Variants in NEBL observed in about 807,000 individuals in gnomAD.
The protein encoded by NEBL is LIM and SH3 protein 2.
In NEBL, 122 loss-of-function variants were observed where a neutral mutation model predicts 140.2. The observed-to-expected ratio is 0.87, with a 90% CI of 0.75 to 1.01. NEBL has a LOEUF of 1.01. NEBL is among the 50% of genes least tolerant of loss of function. The pLI, the probability that NEBL is intolerant of heterozygous loss-of-function variation, is 0.00. For synonymous variants in NEBL, 436 were observed against 398.9 expected (o/e 1.09, Z -1.11); for missense variants, 1,365 against 1,231.3 (o/e 1.11, Z -1.62).
intron 3 of NEBL, among the ~76,000 whole-genome samples, chr10:21,009,763 C>A (rs1434942270): frequency 6.6e-6 from 1 of 152,120 alleles, no homozygotes; most frequent in Non-Finnish European, 1.5e-5. Flanking sequence ...TGCAAGGCCC[C>A]CAGAGAATTC....
intron 3 of NEBL, among the ~76,000 whole-genome samples, chr10:21,239,597 C>T (rs1312734084): frequency 6.6e-6 from 1 of 152,128 alleles, no homozygotes; most frequent in Non-Finnish European, 1.5e-5. Context: ...TACTCTATTC[C>T]AGCCTCTGAA....
chr10:21,168,666 T>A (rs1449211443), intron 2 of NEBL, among the ~76,000 whole-genome samples: 1 of 152,110 alleles, frequency 6.6e-6, no homozygotes, highest in African/African-American at 2.4e-5. Flanking sequence ...TTGAAGAAAA[T>A]GTCCTTAGTC....
chr10:21,137,614 T>C (rs994869192), intron 2 of NEBL, among the ~76,000 whole-genome samples: 1 of 152,080 alleles, frequency 6.6e-6, no homozygotes, highest in Non-Finnish European at 1.5e-5. Context: ...CCACTTCTGA[T>C]AGGTGGCACA....
At chr10:21,279,757 A>T (rs59473186) in intron 1 of NEBL, among the ~76,000 whole-genome samples, 61 of 21,180 alleles carry the variant, frequency 2.9e-3, no homozygotes, top group Non-Finnish European at 4.9e-3. Flanking sequence ...GAATCCATAT[A>T]AAAAAAAAAA....
chr10:21,225,404 C>T (rs961806684), intron 3 of NEBL, among the ~76,000 whole-genome samples: 3 of 152,168 alleles, frequency 2.0e-5, no homozygotes, highest in Non-Finnish European at 2.9e-5. Flanking sequence ...CCTATGTTCA[C>T]TCAAGGACCT....
intron 1 of NEBL, among the ~76,000 whole-genome samples, chr10:21,287,413 A>G (rs1384963572): frequency 6.6e-6 from 1 of 152,054 alleles, no homozygotes; most frequent in Non-Finnish European, 1.5e-5. Context: ...GCATGTTCCT[A>G]TAGTCCTAGC....
At chr10:21,175,669 A>G (rs1300901285), upstream of NEBL, among the ~76,000 whole-genome samples, 1 of 152,214 alleles carries the variant, frequency 6.6e-6, no homozygotes, top group Non-Finnish European at 1.5e-5. Flanking sequence ...CCCCTGAGCC[A>G]CTCACTCACT....
intron 2 of NEBL, among the ~76,000 whole-genome samples, chr10:21,053,333 C>G (rs987423512): frequency 1.3e-5 from 2 of 152,116 alleles, no homozygotes; most frequent in Non-Finnish European, 2.9e-5. Context: ...ACTTCCCACT[C>G]TTTTAAAATC....
chr10:21,257,588 T>TA (rs1355076119), intron 1 of NEBL, among the ~76,000 whole-genome samples: 4 of 152,114 alleles, frequency 2.6e-5, no homozygotes, highest in Middle Eastern at 3.2e-3. Context: ...CTGGTTGATG[T>TA]AAAAAACCAC....
At chr10:21,052,100 A>C (rs868036193) in intron 2 of NEBL, among the ~76,000 whole-genome samples, 39 of 152,176 alleles carry the variant, frequency 2.6e-4, no homozygotes, top group African/African-American at 5.5e-4. Flanking sequence ...TAAAAAAAAA[A>C]CTTTACATAT....
chr10:21,066,211 C>T (rs1835532770), intron 2 of NEBL, among the ~76,000 whole-genome samples: 1 of 152,122 alleles, frequency 6.6e-6, no homozygotes, highest in Non-Finnish European at 1.5e-5. Flanking sequence ...AGAATATATG[C>T]TTCTTAAAGC....
At chr10:20,888,652 T>C (rs1375849498) in intron 3 of NEBL, among the ~76,000 whole-genome samples, 1 of 152,176 alleles carries the variant, frequency 6.6e-6, no homozygotes, top group Non-Finnish European at 1.5e-5. Flanking sequence ...TGAGTGCTTT[T>C]TTGTTGTTTA....
upstream of NEBL, among the ~76,000 whole-genome samples, chr10:21,178,627 G>A (rs60564663): frequency 6.6e-6 from 1 of 152,180 alleles, no homozygotes; most frequent in Non-Finnish European, 1.5e-5. Flanking sequence ...TTCTGCTTTG[G>A]CATACATGCT....
intron 2 of NEBL, among the ~76,000 whole-genome samples, chr10:21,120,174 A>AGCCTG (rs1271349950): frequency 6.6e-6 from 1 of 151,614 alleles, no homozygotes; most frequent in Non-Finnish European, 1.5e-5. Context: ...ATTCGAAACC[A>AGCCTG]GCCTGGCCTG....
At chr10:21,011,162 C>T (rs1182986207) in intron 3 of NEBL, among the ~76,000 whole-genome samples, 2 of 152,140 alleles carry the variant, frequency 1.3e-5, no homozygotes, top group Non-Finnish European at 2.9e-5. Context: ...ACATCTTATG[C>T]CCTGAAAAAG....
intron 3 of NEBL, among the ~76,000 whole-genome samples, chr10:21,207,413 A>T (rs909015845): frequency 3.9e-5 from 6 of 152,170 alleles, no homozygotes; most frequent in African/African-American, 1.2e-4. Flanking sequence ...AATTATAACA[A>T]TATTTCTGCC....
At chr10:21,193,643 C>T (rs1841609083) in intron 3 of NEBL, among the ~76,000 whole-genome samples, 1 of 152,204 alleles carries the variant, frequency 6.6e-6, no homozygotes, top group African/African-American at 2.4e-5. Flanking sequence ...ATGAATTCCA[C>T]AACCTCATTT....
rs1834930469 is a variant in NEBL at position 20,780,102 on chromosome 10, A to T, written c.*5645T>A. On this transcript the variant is annotated 3_prime_UTR_variant, in exon 28 of 28. Transcript: ENST00000377122. ...AATAAGACTAGCATCCAAATCGCAT[A>T]GATTTATATGAGTGTGAAAAATAGG... 6.6e-6 allele frequency: 1 copy of T among 152,238 alleles called. No individual in the cohort carries two copies. The highest frequency in any genetic ancestry group is 1.9e-4 in the East Asian group (1 of 5,206). The allele number at this position is 152,238 out of a possible 1,614,324, so 9.4% of individuals were successfully genotyped here.
intron 24 of NEBL, among the ~76,000 whole-genome samples, chr10:20,812,443 T>C (rs1394928333): frequency 6.6e-6 from 1 of 151,350 alleles, no homozygotes; most frequent in African/African-American, 2.4e-5. Flanking sequence ...TTACATTAGG[T>C]GTATCTCCTA....
Sources: gnomAD v4.1 joint callset for allele counts (sites outside exome capture counted in the v4.1 genomes callset) on GRCh38, gnomAD v4.1.1 for gene constraint, MANE v1.5 for transcripts, NCBI Gene and HGNC (gene_info 2026-07-23, HGNC 2026-07-21) for gene names.